Variants in LRRC72 observed in about 807,000 individuals in gnomAD.
LRRC72 encodes the protein leucine rich repeat containing 72.
A neutral mutation model predicts 35.8 loss-of-function variants in LRRC72; 41 were observed. The observed-to-expected ratio is 1.15, with a 90% confidence interval of 0.89 to 1.49. The LOEUF is 1.49. Among genes scored for constraint, LRRC72 ranks in the 40% most tolerant of loss-of-function variants. LRRC72 has a pLI of 0.00. For missense variants in LRRC72, 389 were observed against 330.7 expected, an observed-to-expected ratio of 1.18 and a Z score of -1.37; for synonymous variants, 118 against 119.2, an observed-to-expected ratio of 0.99 and a Z score of 0.07.
intron 1 of LRRC72, among the ~76,000 whole-genome samples, chr7:16,527,389 A>G (rs1310423295): frequency 6.6e-6 from 1 of 151,996 alleles, no homozygotes. Flanking sequence ...GTATATAATT[A>G]TAGTGGTTTG....
At chr7:16,579,678 G>C (rs1273005493) in intron 7 of LRRC72, among the ~76,000 whole-genome samples, 2 of 152,074 alleles carry the variant, frequency 1.3e-5, no homozygotes, top group Non-Finnish European at 2.9e-5. Context: ...CCCCTCATTT[G>C]GACTGTTAGT....
intron 2 of LRRC72, 128 bp downstream of exon 2, chr7:16,532,696 A>G (rs1782189673): frequency 2.6e-6 from 2 of 764,660 alleles, no homozygotes; most frequent in South Asian, 2.9e-5. Flanking sequence ...CAATTATTTT[A>G]CCACTTCCTG....
intron 3 of LRRC72, among the ~76,000 whole-genome samples, chr7:16,539,487 A>C (rs775058237): frequency 1.3e-5 from 2 of 152,242 alleles, no homozygotes; most frequent in African/African-American, 2.4e-5. Flanking sequence ...AAGCTTAGAA[A>C]ATTTTGCAGC....
At chr7:16,548,229 A>C (rs1782482749) in intron 3 of LRRC72, among the ~76,000 whole-genome samples, 4 of 152,002 alleles carry the variant, frequency 2.6e-5, no homozygotes, top group Admixed American at 6.6e-5. Context: ...TGTCTTGCAT[A>C]CCCTCCAGTT....
At chr7:16,560,176 A>G (rs900226254) in intron 5 of LRRC72, among the ~76,000 whole-genome samples, 8 of 152,220 alleles carry the variant, frequency 5.3e-5, no homozygotes, top group Non-Finnish European at 1.2e-4. Context: ...AGACCTCTTT[A>G]TAATAATGTA....
intron 2 of LRRC72, 172 bp downstream of exon 2, chr7:16,532,740 C>A (rs1469440875): frequency 8.0e-6 from 5 of 627,246 alleles, no homozygotes; most frequent in Non-Finnish European, 1.4e-5. Context: ...AGACAAGATA[C>A]TGAAATTGAT....
chr7:16,536,776 T>C (rs1296962436), intron 2 of LRRC72: 1 of 152,188 alleles, frequency 6.6e-6, no homozygotes, highest in Middle Eastern at 3.2e-3. Flanking sequence ...AATTTTGCCA[T>C]AAATGAATTA....
intron 3 of LRRC72, among the ~76,000 whole-genome samples, chr7:16,552,411 TG>T (rs1251169395): frequency 7.3e-6 from 1 of 137,558 alleles, no homozygotes; most frequent in East Asian, 2.3e-4. Context: ...ATGAAGTGTG[TG>T]CAGAAAAAGA....
At chr7:16,558,382 G>T (rs2128337301) in intron 4 of LRRC72, among the ~76,000 whole-genome samples, 1 of 152,334 alleles carries the variant, frequency 6.6e-6, no homozygotes, top group Non-Finnish European at 1.5e-5. Context: ...GCCTAGGCGG[G>T]CAGATCACCT....
intron 1 of LRRC72, 134 bp downstream of exon 1, chr7:16,527,176 C>A (rs1243873065): frequency 2.9e-6 from 2 of 678,248 alleles, no homozygotes; most frequent in Non-Finnish European, 5.0e-6. Flanking sequence ...GGAGATAGGT[C>A]AGATTTCAAA....
At position 16,537,708 on chromosome 7, in the gene LRRC72, T is replaced by C. The variant is rs1321008950; in HGVS notation, c.234+12T>C. 1.5e-6 allele frequency: 2 copies of C among 1,355,818 alleles called. No homozygotes were observed. Among genetic ancestry groups the C allele is most frequent in the African/African-American group, 3.0e-5 (2 of 67,364 alleles). 84.0% of individuals were successfully genotyped at this position (1,355,818 alleles called of 1,614,324 possible). On this transcript the variant is annotated intron_variant, in intron 3 of 8. Transcript: ENST00000401542. Reference sequence around the variant, plus strand: ...TTCATCATAACAAGGTAGTGTTTTATTTTATCTTTCAATTACTAAAATTAA... The same window carrying C: ...TTCATCATAACAAGGTAGTGTTTTACTTTATCTTTCAATTACTAAAATTAA...
rs140763705 is a variant in LRRC72 at position 16,572,772 on chromosome 7, T to C, written c.670+5229T>C. ...CAAGGATGCCCTCTCTCACCACTCCTATTCAACATAGTATTGAAAGTTCTG... is the reference window on the plus strand; with the variant it reads ...CAAGGATGCCCTCTCTCACCACTCCCATTCAACATAGTATTGAAAGTTCTG... On this transcript the variant is annotated intron_variant, in intron 7 of 8. Coordinates refer to ENST00000401542, the MANE Select transcript of LRRC72 (RefSeq NM_001195280.2). Among the ~76,000 whole-genome samples, 1,290 of 152,270 alleles carry C rather than the reference T, an allele frequency of 8.5e-3. 20 individuals carry two copies. Among genetic ancestry groups the C allele is most frequent in the African/African-American group, 0.03 (1,230 of 41,556 alleles).
At chr7:16,528,709 T>C (rs1782114521) in intron 1 of LRRC72, among the ~76,000 whole-genome samples, 1 of 152,124 alleles carries the variant, frequency 6.6e-6, no homozygotes, top group South Asian at 2.1e-4. Flanking sequence ...TACACATCAC[T>C]GCTAGAGTCA....
At chr7:16,545,967 T>A (rs1782437028) in intron 3 of LRRC72, among the ~76,000 whole-genome samples, 1 of 152,152 alleles carries the variant, frequency 6.6e-6, no homozygotes, top group African/African-American at 2.4e-5. Flanking sequence ...TTTGAATATT[T>A]TTAAGGTATG....
intron 3 of LRRC72, among the ~76,000 whole-genome samples, chr7:16,556,737 C>CA (rs1270571179): frequency 1.3e-5 from 2 of 152,040 alleles, no homozygotes; most frequent in Non-Finnish European, 2.9e-5. Flanking sequence ...GTCAATAGGG[C>CA]AAAAAGACAG....
chr7:16,539,555 C>A (rs1782319814), intron 3 of LRRC72, among the ~76,000 whole-genome samples: 1 of 152,204 alleles, frequency 6.6e-6, no homozygotes, highest in Admixed American at 6.5e-5. Flanking sequence ...AAGCCAGCCG[C>A]AGAAATTTGT....
chr7:16,538,688 G>A lies in LRRC72; in HGVS notation c.234+992G>A, dbSNP rs143842482. Among the ~76,000 whole-genome samples the A allele has an allele frequency of 3.3e-3, 508 of 152,314 alleles. 1 individual carries two copies. Among genetic ancestry groups the A allele is most frequent in the Non-Finnish European group, 5.8e-3 (394 of 68,030 alleles). ...TTGTAATTTCCACATGTTGAAGGACGGACATGATGGGAGATGACTGGATCA... is the reference window on the plus strand; with the variant it reads ...TTGTAATTTCCACATGTTGAAGGACAGACATGATGGGAGATGACTGGATCA... On this transcript the variant is annotated intron_variant, in intron 3 of 8. Coordinates refer to ENST00000401542, the MANE Select transcript of LRRC72 (RefSeq NM_001195280.2).
At chr7:16,549,127 A>T (rs1275357199) in intron 3 of LRRC72, among the ~76,000 whole-genome samples, 1 of 152,208 alleles carries the variant, frequency 6.6e-6, no homozygotes, top group Non-Finnish European at 1.5e-5. Flanking sequence ...TCCAAATGGC[A>T]TGTAATTGGT....
chr7:16,543,904 G>A (rs1167843956), intron 3 of LRRC72, among the ~76,000 whole-genome samples: 2 of 152,156 alleles, frequency 1.3e-5, no homozygotes, highest in Non-Finnish European at 2.9e-5. Context: ...TTCTGCACGT[G>A]GTGATATGAG....
Sources: gnomAD v4.1 joint callset for allele counts (sites outside exome capture counted in the v4.1 genomes callset) on GRCh38, gnomAD v4.1.1 for gene constraint, MANE v1.5 for transcripts, NCBI Gene and HGNC (gene_info 2026-07-23, HGNC 2026-07-21) for gene names.